Variants in URI1 observed in about 807,000 individuals in gnomAD.
URI1 encodes URI1 prefoldin like chaperone.
URI1 carries 39 observed loss-of-function variants against 60.2 expected under a neutral mutation model. The observed-to-expected ratio is 0.65, with a 90% CI of 0.50 to 0.85. The LOEUF (loss-of-function observed/expected upper bound fraction) is 0.85. Ranked by LOEUF, URI1 falls within the 40% of genes least tolerant of loss-of-function variation. URI1 has a pLI of 0.00. For synonymous variants in URI1, 251 were observed against 236.8 expected, an observed-to-expected ratio of 1.06 and a Z score of -0.55; for missense variants, 691 against 665.9, an observed-to-expected ratio of 1.04 and a Z score of -0.42.
chr19:29,945,034 G>A (rs1304680011), intron 1 of URI1, among the ~76,000 whole-genome samples: 1 of 152,236 alleles, frequency 6.6e-6, no homozygotes, highest in Non-Finnish European at 1.5e-5. Context: ...AGCTTCATAT[G>A]TGGCACTTAG....
intron 4 of URI1, among the ~76,000 whole-genome samples, chr19:29,987,332 G>A (rs1266945845): frequency 6.6e-6 from 1 of 152,102 alleles, no homozygotes; most frequent in Admixed American, 6.5e-5. Context: ...ATGAGTACTA[G>A]AGAACTCATT....
At chr19:30,001,760 T>C (rs913207640) in intron 4 of URI1, among the ~76,000 whole-genome samples, 29 of 152,008 alleles carry the variant, frequency 1.9e-4, no homozygotes, top group African/African-American at 6.8e-4. Context: ...TTATCAGTTG[T>C]GCAGTTTCCA....
chr19:30,015,615 GAATT>G lies in URI1; in HGVS notation c.*551_*554del, dbSNP rs1568451495. On this transcript the variant is annotated 3_prime_UTR_variant, in exon 11 of 11. Transcript: ENST00000392271. Reference sequence around the variant, plus strand: ...TAATCTTTAAGGAAGAAAGCTACATGAATTAATTGTACTCTATGGGAAAATTTCT... The same window carrying G: ...TAATCTTTAAGGAAGAAAGCTACATGAATTGTACTCTATGGGAAAATTTCT... 6.6e-7 allele frequency: 1 copy of G among 1,509,868 alleles called. No homozygotes were observed. Among genetic ancestry groups the G allele is most frequent in the South Asian group, 1.2e-5 (1 of 80,160 alleles). The allele number at this position is 1,509,868 out of a possible 1,614,324, so 93.5% of individuals were successfully genotyped here.
chr19:29,928,355 G>T (rs990033916), intron 1 of URI1, among the ~76,000 whole-genome samples: 15 of 152,124 alleles, frequency 9.9e-5, no homozygotes, highest in African/African-American at 3.4e-4. Context: ...TGCATCCAAG[G>T]CTGAGAAGGA....
chr19:29,931,977 T>C (rs962593037), intron 1 of URI1, among the ~76,000 whole-genome samples: 16 of 151,220 alleles, frequency 1.1e-4, no homozygotes, highest in African/African-American at 3.9e-4. Flanking sequence ...ATTTTCTACA[T>C]ATAAGATTAT....
At chr19:29,977,575 T>TC (rs1156383907) in intron 2 of URI1, among the ~76,000 whole-genome samples, 39 of 15,904 alleles carry the variant, frequency 2.5e-3, no homozygotes, top group African/African-American at 5.6e-3. Context: ...TTTTTTTTTT[T>TC]CCCTCCTCTT....
chr19:29,970,560 T>C (rs2055446810), intron 1 of URI1, among the ~76,000 whole-genome samples: 2 of 152,166 alleles, frequency 1.3e-5, no homozygotes, highest in Non-Finnish European at 2.9e-5. Flanking sequence ...TTCATTGTTT[T>C]AGTATTATAA....
At position 29,957,744 on chromosome 19, in the gene URI1, AAGTTTTAAAATCT is replaced by A. The variant is rs1315691406; in HGVS notation, c.118-13447_118-13435del. Among the ~76,000 whole-genome samples, 10 of 152,304 alleles carry A rather than the reference AAGTTTTAAAATCT, an allele frequency of 6.6e-5. No homozygotes were observed. The East Asian group carries it at 1.7e-3, about 26-fold the overall frequency. On this transcript the variant is annotated intron_variant, in intron 1 of 10. Coordinates refer to ENST00000392271, the MANE Select transcript of URI1 (RefSeq NM_003796.3). Reference sequence around the variant, plus strand: ...GGAGAATTAAGATGTTTACAATATTAAGTTTTAAAATCTATGAACATGGTATATCAATTTATTT... The same window carrying A: ...GGAGAATTAAGATGTTTACAATATTAATGAACATGGTATATCAATTTATTT...
At chr19:30,004,153 A>T (rs1306183746) in intron 4 of URI1, 1 of 152,084 alleles carries the variant, frequency 6.6e-6, no homozygotes, top group Non-Finnish European at 1.5e-5. Context: ...TTGTTGCAGA[A>T]ATTTAATGAT....
intron 4 of URI1, among the ~76,000 whole-genome samples, chr19:30,003,569 C>T (rs1037903562): frequency 2.6e-5 from 4 of 152,006 alleles, no homozygotes; most frequent in African/African-American, 9.7e-5. Context: ...ATTTCCAAAA[C>T]ACTTTGTTTC....
upstream of URI1, among the ~76,000 whole-genome samples, chr19:29,940,777 G>C (rs930317895): frequency 2.0e-5 from 3 of 152,190 alleles, no homozygotes; most frequent in African/African-American, 7.2e-5. Context: ...CTTCCTACAG[G>C]CACAGGACTA....
chr19:29,937,923 C>T (rs2054987481), upstream of URI1: 1 of 152,120 alleles, frequency 6.6e-6, no homozygotes, highest in Non-Finnish European at 1.5e-5. Context: ...TGTTTTGCAT[C>T]CACCCTGTTG....
intron 1 of URI1, among the ~76,000 whole-genome samples, chr19:29,945,505 C>T (rs1363913904): frequency 6.6e-6 from 1 of 152,182 alleles, no homozygotes; most frequent in Non-Finnish European, 1.5e-5. Context: ...CTGTAGTCAG[C>T]GGTTAGGATC....
upstream of URI1, chr19:29,942,173 C>A (rs1036297976): frequency 1.0e-6 from 1 of 976,050 alleles, no homozygotes; most frequent in Non-Finnish European, 1.2e-6. Context: ...GCGGGGCCTG[C>A]GCGAGCTGGG....
intron 5 of URI1, 74 bp downstream of exon 5, chr19:30,005,526 A>C: frequency 6.7e-7 from 1 of 1,491,656 alleles, no homozygotes; most frequent in Non-Finnish European, 9.1e-7. Flanking sequence ...CTTACAGCCA[A>C]GGAACAAATT....
intron 4 of URI1, among the ~76,000 whole-genome samples, chr19:30,003,165 T>G (rs2145425592): frequency 6.6e-6 from 1 of 152,148 alleles, no homozygotes. Flanking sequence ...GAATTTAGAC[T>G]TGTTATTTAC....
intron 1 of URI1, among the ~76,000 whole-genome samples, chr19:29,951,126 A>G (rs1322531088): frequency 2.6e-5 from 4 of 152,176 alleles, no homozygotes; most frequent in Non-Finnish European, 5.9e-5. Flanking sequence ...GCGTGATTAC[A>G]TAGATGATGA....
intron 4 of URI1, among the ~76,000 whole-genome samples, chr19:29,992,141 C>G (rs1392972835): frequency 3.3e-5 from 5 of 152,206 alleles, no homozygotes; most frequent in Non-Finnish European, 7.3e-5. Context: ...CTGATCTTGA[C>G]TCACTGCAAC....
intron 1 of URI1, among the ~76,000 whole-genome samples, chr19:29,968,340 AGTAATGAAAT>A (rs1379894876): frequency 2.0e-5 from 3 of 152,134 alleles, no homozygotes; most frequent in African/African-American, 7.2e-5. Flanking sequence ...AGGACAACAA[AGTAATGAAAT>A]GTTTTTGTTT....
Sources: allele counts gnomAD v4.1 joint callset (sites outside exome capture counted in the v4.1 genomes callset), GRCh38; gene constraint gnomAD v4.1.1; transcripts MANE v1.5; gene names NCBI Gene and HGNC (gene_info 2026-07-23, HGNC 2026-07-21).